The following ARSG variants were observed in gnomAD, a reference collection of about 807,000 sequenced individuals.
The protein encoded by ARSG is arylsulfatase G, also known as ASG.
In ARSG, 37 loss-of-function variants were observed where a neutral mutation model predicts 50.5. The ratio of observed to expected loss-of-function variants is 0.73; its 90% CI spans 0.56 to 0.96. The LOEUF (loss-of-function observed/expected upper bound fraction) is 0.96, where lower values mean the gene tolerates loss of function less well. Among genes scored for constraint, ARSG ranks in the 50% least tolerant of loss-of-function variants. The pLI is 0.00. For missense variants in ARSG, 629 were observed against 675.3 expected (o/e 0.93, Z 0.76); for synonymous variants, 225 against 254.6 (o/e 0.88, Z 1.11).
the ARSG span, among the ~76,000 whole-genome samples, chr17:68,449,975 C>T: frequency 5.9e-5 from 9 of 152,292 alleles, no homozygotes; most frequent in East Asian, 1.5e-3. Context: ...TGTGCCACTG[C>T]ATTCCAGCCT....
intron 1 of ARSG, among the ~76,000 whole-genome samples, chr17:68,259,939 C>A (rs1428485313): frequency 6.6e-6 from 1 of 152,122 alleles, no homozygotes; most frequent in African/African-American, 2.4e-5. Flanking sequence ...GTCAGTACAG[C>A]CGGTGTTGAC....
intron 2 of ARSG, among the ~76,000 whole-genome samples, chr17:68,330,884 T>A (rs7217641): frequency 1 from 151,460 of 152,064 alleles, 75,448 homozygotes; most frequent in Middle Eastern, 1. Context: ...CTTTGCTGTC[T>A]CTGTCTTAAA....
At chr17:68,352,137 ACAGAG>A (rs879795609) in intron 5 of ARSG, among the ~76,000 whole-genome samples, 38,491 of 123,690 alleles carry the variant, frequency 0.31, 8,688 homozygotes, top group Middle Eastern at 0.42. Flanking sequence ...AGAGAGAGAG[ACAGAG>A]GAGAGAGAGA....
At chr17:68,398,710 C>G (rs1444068805) in intron 10 of ARSG, among the ~76,000 whole-genome samples, 3 of 152,244 alleles carry the variant, frequency 2.0e-5, no homozygotes, top group Non-Finnish European at 4.4e-5. Context: ...TGAGAGGTGT[C>G]ATGTGCACAA....
chr17:68,414,289 T>TTTAA (rs1314303246), intron 11 of ARSG: 2 of 152,242 alleles, frequency 1.3e-5, no homozygotes, highest in African/African-American at 4.8e-5. Context: ...GATTTTTGTT[T>TTTAA]TTAATTCTGT....
At chr17:68,289,667 C>G (rs2075924301), upstream of ARSG, among the ~76,000 whole-genome samples, 1 of 152,214 alleles carries the variant, frequency 6.6e-6, no homozygotes, top group Non-Finnish European at 1.5e-5. Flanking sequence ...CAAACCTAAC[C>G]TGGATAGCTG....
chr17:68,266,416 GTA>G (rs1470315390), intron 1 of ARSG, among the ~76,000 whole-genome samples: 1 of 60,668 alleles, frequency 1.6e-5, no homozygotes, highest in Non-Finnish European at 3.3e-5. Flanking sequence ...TGTATAAAAA[GTA>G]TATATATGTA....
At position 68,278,243 on chromosome 17, in the gene ARSG, C is replaced by T. The variant is rs149995088; in HGVS notation, c.-552+18817C>T. ...CAACGAAGAAAAATGAAACAGCTAC[C>T]GCCCAGCCCCATCCTCCATCAGGCA... On this transcript the variant is annotated intron_variant, in intron 1 of 11. Coordinates refer to the ARSG transcript ENST00000448504. The T allele has an allele frequency of 2.3e-3, 3,636 of 1,614,158 alleles. 9 individuals are homozygous for T. Among genetic ancestry groups the T allele is most frequent in the Non-Finnish European group, 2.9e-3 (3,405 of 1,180,012 alleles).
downstream of ARSG, among the ~76,000 whole-genome samples, chr17:68,426,816 T>C (rs749815453): frequency 3.9e-5 from 6 of 152,190 alleles, no homozygotes; most frequent in Non-Finnish European, 8.8e-5. Flanking sequence ...ATTACAGGTG[T>C]GAGCCAATGT....
chr17:68,283,110 G>C (rs552510883), intron 1 of ARSG: 1 of 152,226 alleles, frequency 6.6e-6, no homozygotes. Context: ...CTGAATGACA[G>C]AGCAAGACCC....
At chr17:68,417,267 T>TAA (rs2082428883) in intron 11 of ARSG, among the ~76,000 whole-genome samples, 2 of 152,206 alleles carry the variant, frequency 1.3e-5, no homozygotes, top group African/African-American at 4.8e-5. Flanking sequence ...GAGAAAAACC[T>TAA]AAGTAATTTA....
chr17:68,297,852 C>G (rs1555758935), intron 1 of ARSG, among the ~76,000 whole-genome samples: 1 of 152,018 alleles, frequency 6.6e-6, no homozygotes, highest in Non-Finnish European at 1.5e-5. Flanking sequence ...CCTTTATCCT[C>G]AAAACAATCA....
chr17:68,383,213 A>T (rs2080523883), intron 8 of ARSG, among the ~76,000 whole-genome samples: 1 of 152,218 alleles, frequency 6.6e-6, no homozygotes, highest in African/African-American at 2.4e-5. Flanking sequence ...TCTTGAAGGG[A>T]TCCCTAATTG....
chr17:68,414,122 G>T (rs1004923650), intron 11 of ARSG: 5 of 154,586 alleles, frequency 3.2e-5, no homozygotes, highest in African/African-American at 7.2e-5. Context: ...GTTCCTATTC[G>T]GCTATCTTGG....
chr17:68,295,715 T>C (rs1176068126), intron 1 of ARSG, among the ~76,000 whole-genome samples: 3 of 142,862 alleles, frequency 2.1e-5, no homozygotes, highest in Non-Finnish European at 3.0e-5. Flanking sequence ...AGTCTTCCTC[T>C]GTTGCCCAGG....
chr17:68,419,785 C>T (rs1269655037), intron 11 of ARSG, among the ~76,000 whole-genome samples: 1 of 143,406 alleles, frequency 7.0e-6, no homozygotes, highest in Non-Finnish European at 1.5e-5. Flanking sequence ...CATAGCGGGA[C>T]CCTGTCTCTG....
downstream of ARSG, chr17:68,425,918 G>C: frequency 1.6e-6 from 1 of 643,674 alleles, no homozygotes; most frequent in Admixed American, 2.7e-5. Context: ...GAAGCACACA[G>C]TACAACAAAT....
chr17:68,309,181 G>A (rs529153147), intron 2 of ARSG, among the ~76,000 whole-genome samples: 35 of 152,358 alleles, frequency 2.3e-4, no homozygotes, highest in Non-Finnish European at 3.8e-4. Context: ...CCCGGGGCCC[G>A]CAGGGCCAGC....
the ARSG span, chr17:68,429,991 C>A: frequency 6.2e-7 from 1 of 1,613,968 alleles, no homozygotes; most frequent in East Asian, 2.2e-5. Context: ...TGTCATTGTA[C>A]GTACGTTGAG....
Sources: gnomAD v4.1 joint callset for allele counts (sites outside exome capture counted in the v4.1 genomes callset) on GRCh38, gnomAD v4.1.1 for gene constraint, MANE v1.5 for transcripts, NCBI Gene and HGNC (gene_info 2026-07-23, HGNC 2026-07-21) for gene names.